Variants in C3orf52 observed in about 807,000 individuals in gnomAD.
C3orf52 encodes TPA-induced transmembrane protein.
A neutral mutation model predicts 24.8 loss-of-function variants in C3orf52; 22 were observed. That is an observed-to-expected ratio of 0.89 (90% CI 0.63 to 1.27). The LOEUF (loss-of-function observed/expected upper bound fraction) is 1.27, where lower values mean the gene tolerates loss of function less well. C3orf52 is among the 50% of genes most tolerant of loss of function. The probability of loss-of-function intolerance (pLI) is 0.00; values close to 1 mark genes in which losing one functional copy is unlikely to be tolerated. For missense variants in C3orf52, 265 were observed against 260.7 expected (o/e 1.02, Z -0.11); for synonymous variants, 93 against 100.2 (o/e 0.93, Z 0.43).
At chr3:112,130,377 C>G, downstream of C3orf52, 1 of 1,279,676 alleles carries the variant, frequency 7.8e-7, no homozygotes. Context: ...GATGTGAAGT[C>G]CAGGGCTTGA....
chr3:112,091,527 C>T lies in C3orf52; in HGVS notation c.139-1833C>T, dbSNP rs567061100. 4.6e-5 allele frequency among the ~76,000 whole-genome samples: 7 copies of T among 152,248 alleles called. No homozygotes were observed. In the East Asian group the frequency reaches 1.4e-3, roughly 29 times the overall value. ...CAGACCAGAGGTCTGCCATGGCCTC[C>T]TCCCACCTCCCTTACAATCTGGTCC... On this transcript the variant is annotated intron_variant, in intron 1 of 5. Transcript: ENST00000264848.
intron 4 of C3orf52, among the ~76,000 whole-genome samples, chr3:112,123,964 C>G (rs1188291219): frequency 1.3e-5 from 2 of 152,074 alleles, no homozygotes; most frequent in East Asian, 3.9e-4. Context: ...TGCTTAAGGT[C>G]TAGAGCCTGC....
At chr3:112,106,254 T>C (rs1290653162) in intron 3 of C3orf52, among the ~76,000 whole-genome samples, 1 of 26,190 alleles carries the variant, frequency 3.8e-5, no homozygotes, top group African/African-American at 8.0e-5. Context: ...GCTTCAGATT[T>C]CTTCTTCTTC....
chr3:112,112,787 G>A (rs2074096387), intron 4 of C3orf52, 177 bp from the exon 5 acceptor site: 1 of 686,138 alleles, frequency 1.5e-6, no homozygotes, highest in Admixed American at 2.2e-5. Context: ...TTTTTGTGAT[G>A]AATCTATGGA....
At chr3:112,119,212 A>G (rs1217900338), downstream of C3orf52, among the ~76,000 whole-genome samples, 1 of 152,104 alleles carries the variant, frequency 6.6e-6, no homozygotes, top group Non-Finnish European at 1.5e-5. Flanking sequence ...GTGAAACCCC[A>G]TCTCTACTAA....
chr3:112,126,148 C>T (rs529195568), intron 4 of C3orf52, among the ~76,000 whole-genome samples: 4 of 152,228 alleles, frequency 2.6e-5, no homozygotes, highest in South Asian at 2.1e-4. Context: ...ATTTCTATTA[C>T]GTTTTGCTCT....
intron 4 of C3orf52, chr3:112,127,024 T>A (rs749625723): frequency 6.3e-7 from 1 of 1,584,132 alleles, no homozygotes; most frequent in African/African-American, 1.3e-5. Flanking sequence ...CAAAAATGAG[T>A]ATTTTTTTCC....
At position 112,112,996 on chromosome 3, in the gene C3orf52, A is replaced by C; in HGVS notation, c.500A>C (p.Gln167Pro). ...GENATVTYDL[Q>P]FGVPSDDENF... ...AATGCCACAGTAACGTATGACCTGCAATTTGGGGTTCCATCAGATGATGAA... is the reference window on the plus strand; with the variant it reads ...AATGCCACAGTAACGTATGACCTGCCATTTGGGGTTCCATCAGATGATGAA... Residue 167 changes from glutamine (Q) to proline (P), a missense_variant, in exon 5 of 6, where the codon CAA (glutamine) becomes CCA (proline). Coordinates refer to ENST00000264848, the MANE Select transcript of C3orf52 (RefSeq NM_024616.3). 1.2e-6 allele frequency: 2 copies of C among 1,608,668 alleles called. No individual in the cohort carries two copies. The highest frequency in any genetic ancestry group is 1.7e-6 in the Non-Finnish European group (2 of 1,177,488).
At chr3:112,087,476 A>G (rs1433788203) in intron 1 of C3orf52, among the ~76,000 whole-genome samples, 1 of 152,110 alleles carries the variant, frequency 6.6e-6, no homozygotes, top group Non-Finnish European at 1.5e-5. Context: ...CTCCCCATAT[A>G]GAGCCCCGAC....
chr3:112,101,127 A>G (rs1436188984), intron 2 of C3orf52, among the ~76,000 whole-genome samples: 2 of 152,176 alleles, frequency 1.3e-5, no homozygotes, highest in Non-Finnish European at 2.9e-5. Flanking sequence ...ATAATTCCCT[A>G]CGTTTGGGGG....
At chr3:112,135,457 G>A (rs909985521), downstream of C3orf52, 14 of 152,608 alleles carry the variant, frequency 9.2e-5, no homozygotes, top group African/African-American at 3.4e-4. Context: ...AGAGAAACTA[G>A]GGTACTAGCT....
downstream of C3orf52, chr3:112,130,719 C>T (rs1361699789): frequency 8.5e-6 from 5 of 587,716 alleles, no homozygotes; most frequent in African/African-American, 5.6e-5. Context: ...GCCACAGCAA[C>T]AGCCCACTGA....
At chr3:112,092,516 A>G (rs1208876833) in intron 1 of C3orf52, among the ~76,000 whole-genome samples, 2 of 152,224 alleles carry the variant, frequency 1.3e-5, no homozygotes, top group Admixed American at 6.5e-5. Context: ...TGATGTGGAC[A>G]AAAGGGAAAG....
At chr3:112,106,446 A>C (rs900616754) in intron 3 of C3orf52, among the ~76,000 whole-genome samples, 2 of 152,096 alleles carry the variant, frequency 1.3e-5, no homozygotes, top group Non-Finnish European at 2.9e-5. Flanking sequence ...TCTGATGATC[A>C]GCCCCCATCC....
chr3:112,128,071 C>G lies in C3orf52; in HGVS notation c.*47-162C>G, dbSNP rs778188615. On this transcript the variant is annotated intron_variant, in intron 4 of 4. Transcript: ENST00000480282. ...ATGGTGATCCCAGCATCTAAAATAC[C>G]CAAGAGAGATGGCAAATCATAAGGT... 3.7e-6 allele frequency: 6 copies of G among 1,612,542 alleles called. No individual in the cohort carries two copies. In the East Asian group the frequency reaches 1.1e-4, roughly 30 times the overall value.
Position 112,117,438 on chromosome 3 carries a change from C to A in C3orf52, c.*792C>A, listed in dbSNP as rs757969410. 1 of 156,658 alleles carries A rather than the reference C, an allele frequency of 6.4e-6. No individual in the cohort carries two copies. The highest frequency in any genetic ancestry group is 1.4e-5 in the Non-Finnish European group (1 of 71,158). The allele number at this position is 156,658 out of a possible 1,614,324, so 9.7% of individuals were successfully genotyped here. A position where few individuals can be genotyped will look rare whatever the true frequency, so the allele number is the denominator to read the frequency against. On this transcript the variant is annotated 3_prime_UTR_variant, in exon 6 of 6. Transcript: ENST00000264848. ...TCGTTGTTCCTGTGATTCCTGAACACCTTTTTGGAAATATGGGTCTCTGTG... is the reference window on the plus strand; with the variant it reads ...TCGTTGTTCCTGTGATTCCTGAACAACTTTTTGGAAATATGGGTCTCTGTG...
At chr3:112,098,473 G>A (rs761812743) in intron 2 of C3orf52, among the ~76,000 whole-genome samples, 3 of 152,068 alleles carry the variant, frequency 2.0e-5, no homozygotes, top group Non-Finnish European at 4.4e-5. Flanking sequence ...CTCCAAGAAG[G>A]TGACTCCTAG....
chr3:112,122,854 C>G (rs927248806), downstream of C3orf52: 7 of 152,202 alleles, frequency 4.6e-5, no homozygotes, highest in African/African-American at 1.7e-4. Flanking sequence ...AAAATAAAAT[C>G]ATATAGGTTA....
downstream of C3orf52, chr3:112,133,161 A>T (rs368820777): frequency 6.2e-7 from 1 of 1,610,856 alleles, no homozygotes. Context: ...TCCCTTTACC[A>T]CTTCCTTCTT....
Sources: gnomAD v4.1 joint callset for allele counts (sites outside exome capture counted in the v4.1 genomes callset) on GRCh38, gnomAD v4.1.1 for gene constraint, MANE v1.5 for transcripts, NCBI Gene and HGNC (gene_info 2026-07-23, HGNC 2026-07-21) for gene names.